THADA: variants seen among roughly 807,000 people sequenced by gnomAD.
THADA encodes THADA armadillo repeat containing.
THADA carries 213 observed loss-of-function variants against 219.8 expected under a neutral mutation model. The ratio of observed to expected loss-of-function variants is 0.97; its 90% CI spans 0.87 to 1.09. THADA has a LOEUF of 1.09. THADA is among the 50% of genes least tolerant of loss of function. THADA has a pLI of 0.00. For missense variants in THADA, 2,956 were observed against 2,311.3 expected (o/e 1.28, Z -5.72); for synonymous variants, 1,018 against 828.9 (o/e 1.23, Z -3.92).
At chr2:43,312,476 A>G (rs1677626440) in intron 31 of THADA, among the ~76,000 whole-genome samples, 1 of 152,146 alleles carries the variant, frequency 6.6e-6, no homozygotes. Flanking sequence ...CTAAATTTCT[A>G]AAGAATTGTG....
chr2:43,415,806 C>T (rs1301086277), intron 28 of THADA, among the ~76,000 whole-genome samples: 4 of 152,188 alleles, frequency 2.6e-5, no homozygotes, highest in Middle Eastern at 3.4e-3. Context: ...TAGCTTTCAA[C>T]GGGGAATTCT....
At chr2:43,516,388 C>T (rs1284973905) in intron 22 of THADA, among the ~76,000 whole-genome samples, 2 of 152,122 alleles carry the variant, frequency 1.3e-5, no homozygotes, top group Non-Finnish European at 2.9e-5. Flanking sequence ...CTTTCCTATG[C>T]TCACACTACT....
chr2:43,323,728 A>C (rs1040453821), intron 30 of THADA, among the ~76,000 whole-genome samples: 8 of 152,084 alleles, frequency 5.3e-5, no homozygotes, highest in African/African-American at 1.9e-4. Flanking sequence ...TAACCCAAAA[A>C]ACCAACCAAC....
rs945593404 is a variant in THADA at position 43,536,911 on chromosome 2, A to G, written c.3264+4248T>C. On this transcript the variant is annotated intron_variant, in intron 21 of 37. Transcript: ENST00000405975. ...TAAGTGTTTATCAGAGTACCTGGCA[A>G]AGAGTAGCAAACAGTAAATGTCCAT... Among the ~76,000 whole-genome samples, 7 of 152,302 alleles carry G rather than the reference A, an allele frequency of 4.6e-5. No individual in the cohort carries two copies. In the East Asian group the frequency reaches 1.4e-3, roughly 29 times the overall value.
chr2:43,572,708 G>C, intron 12 of THADA, 106 bp downstream of exon 12: 1 of 950,386 alleles, frequency 1.1e-6, no homozygotes, highest in Non-Finnish European at 1.5e-6. Flanking sequence ...TTCTCTTTAT[G>C]AACTCCCTAA....
intron 36 of THADA, among the ~76,000 whole-genome samples, chr2:43,278,995 A>C (rs534781702): frequency 6.6e-6 from 1 of 152,296 alleles, no homozygotes; most frequent in Admixed American, 6.5e-5. Flanking sequence ...CCAAGCACAG[A>C]GAATCCGAGT....
chr2:43,510,538 T>C (rs1411845493), intron 22 of THADA, among the ~76,000 whole-genome samples: 2 of 152,018 alleles, frequency 1.3e-5, no homozygotes, highest in Non-Finnish European at 2.9e-5. Context: ...ATTAATAATA[T>C]TGCCAGCTTG....
chr2:43,439,532 T>C (rs772583760), intron 26 of THADA, among the ~76,000 whole-genome samples: 9 of 152,228 alleles, frequency 5.9e-5, no homozygotes. Flanking sequence ...TCAACTGTCC[T>C]GGTGTCACAG....
intron 28 of THADA, among the ~76,000 whole-genome samples, chr2:43,427,609 T>A: frequency 6.8e-6 from 1 of 148,148 alleles, no homozygotes; most frequent in African/African-American, 2.5e-5. Flanking sequence ...ATATATATAA[T>A]AGTTATATAT....
chr2:43,335,895 G>A (rs1211064287), intron 30 of THADA, among the ~76,000 whole-genome samples: 3 of 151,758 alleles, frequency 2.0e-5, no homozygotes, highest in East Asian at 1.9e-4. Flanking sequence ...TCAGGAGATC[G>A]AGACCATCCT....
intron 8 of THADA, among the ~76,000 whole-genome samples, chr2:43,579,732 C>T (rs1055424829): frequency 4.0e-4 from 61 of 152,284 alleles, no homozygotes; most frequent in African/African-American, 1.5e-3. Flanking sequence ...CTTCTTCCTG[C>T]CTTGAATAAA....
At chr2:43,586,785 T>A in intron 5 of THADA, 51 bp from the exon 6 acceptor site, 1 of 1,610,504 alleles carries the variant, frequency 6.2e-7, no homozygotes, top group South Asian at 1.1e-5. Context: ...CCAAAATCAA[T>A]GTCATTTAAA....
At position 43,234,668 on chromosome 2, in the gene THADA, T is replaced by C. The variant is rs192367991; in HGVS notation, c.5297-1786A>G. Among the ~76,000 whole-genome samples the C allele has an allele frequency of 1.7e-4, 26 of 152,338 alleles. 1 individual carries two copies. The East Asian group carries it at 3.7e-3, about 21-fold the overall frequency. On this transcript the variant is annotated intron_variant, in intron 36 of 37. Coordinates refer to ENST00000405975, the MANE Select transcript of THADA (RefSeq NM_022065.5). The stretch of plus-strand genomic sequence containing the variant: ...CTTTCTTTTTTCCCTTCAACTTTTA[T>C]TGATTGATTGAGACAGAGTCTGTTG...
At chr2:43,497,064 T>C (rs1034971661) in intron 25 of THADA, among the ~76,000 whole-genome samples, 43 of 152,114 alleles carry the variant, frequency 2.8e-4, no homozygotes, top group African/African-American at 9.4e-4. Context: ...TGTGGAGAAA[T>C]AGGAAAACTT....
intron 16 of THADA, 57 bp downstream of exon 16, chr2:43,560,177 C>A (rs1444516051): frequency 1.4e-6 from 2 of 1,459,466 alleles, no homozygotes; most frequent in South Asian, 1.3e-5. Flanking sequence ...ATTGCTTTAT[C>A]TGCTGATAGA....
intron 36 of THADA, among the ~76,000 whole-genome samples, chr2:43,246,396 G>A (rs1669151003): frequency 1.3e-5 from 2 of 152,200 alleles, no homozygotes; most frequent in Admixed American, 1.3e-4. Flanking sequence ...TTGGGAGGCT[G>A]AGGCAGGAGA....
intron 22 of THADA, among the ~76,000 whole-genome samples, chr2:43,525,212 C>T (rs1039351724): frequency 1.2e-4 from 18 of 152,308 alleles, no homozygotes; most frequent in African/African-American, 4.1e-4. Context: ...CTTAGAATCA[C>T]AGAAGCAACC....
intron 28 of THADA, among the ~76,000 whole-genome samples, chr2:43,410,124 T>C (rs1676097291): frequency 2.0e-5 from 3 of 152,126 alleles, no homozygotes; most frequent in South Asian, 2.1e-4. Context: ...GATATATGAA[T>C]GCCAAATACA....
intron 32 of THADA, 93 bp from the exon 33 acceptor site, chr2:43,292,315 G>GGTCT (rs1028360248): frequency 1.2e-6 from 1 of 813,978 alleles, no homozygotes; most frequent in African/African-American, 1.8e-5. Flanking sequence ...ATCAACAAGA[G>GGTCT]GTCTACCTTT....
Sources: allele counts gnomAD v4.1 joint callset (sites outside exome capture counted in the v4.1 genomes callset), GRCh38; gene constraint gnomAD v4.1.1; transcripts MANE v1.5; gene names NCBI Gene and HGNC (gene_info 2026-07-23, HGNC 2026-07-21).